Variants in ARHGAP35 observed in about 807,000 individuals in gnomAD.
ARHGAP35 encodes the protein Rho GTPase activating protein 35, also known as rho GTPase-activating protein 35.
A neutral mutation model predicts 111.1 loss-of-function variants in ARHGAP35; 15 were observed. That is an observed-to-expected ratio of 0.13 (90% CI 0.09 to 0.21). The LOEUF is 0.21. Among genes scored for constraint, ARHGAP35 ranks in the 10% least tolerant of loss-of-function variants. ARHGAP35 has a pLI of 1.00. For synonymous variants in ARHGAP35, 643 were observed against 710.3 expected, an observed-to-expected ratio of 0.91 and a Z score of 1.51; for missense variants, 1,262 against 1,873.0, an observed-to-expected ratio of 0.67 and a Z score of 6.02.
chr19:46,897,943 C>T (rs187066027), intron 1 of ARHGAP35, among the ~76,000 whole-genome samples: 2 of 152,270 alleles, frequency 1.3e-5, no homozygotes, highest in East Asian at 1.9e-4. Flanking sequence ...TTTTCATTCC[C>T]AATCTGTGAA....
intron 3 of ARHGAP35, among the ~76,000 whole-genome samples, chr19:46,950,408 A>AC (rs1326634072): frequency 6.6e-6 from 1 of 152,230 alleles, no homozygotes; most frequent in African/African-American, 2.4e-5. Flanking sequence ...ATTTTGGTGT[A>AC]CATATGTGTG....
Position 46,999,020 on chromosome 19 carries a change from A to T in ARHGAP35, c.4037-284A>T. 2.6e-6 allele frequency: 1 copy of T among 390,548 alleles called. No individual in the cohort carries two copies. Among genetic ancestry groups the T allele is most frequent in the Non-Finnish European group, 4.6e-6 (1 of 218,154 alleles). 24.2% of individuals were successfully genotyped at this position (390,548 alleles called of 1,614,324 possible). On this transcript the variant is annotated intron_variant, in intron 5 of 6. Coordinates refer to ENST00000672722, the MANE Select transcript of ARHGAP35 (RefSeq NM_004491.5). The surrounding 1 kb of genome is among the most constrained non-coding windows in gnomAD (Gnocchi z 5.4). ...CAAAGAATGGTGTTCTTTATGGCGG[A>T]GTGTCTCCAGATTGTTCTGTCTTGG...
At chr19:46,913,298 C>A (rs1039446160) in intron 1 of ARHGAP35, among the ~76,000 whole-genome samples, 1 of 151,160 alleles carries the variant, frequency 6.6e-6, no homozygotes, top group East Asian at 1.9e-4. Flanking sequence ...AAGAGTGATA[C>A]ACACACTTCC....
rs1215155297 is a variant in ARHGAP35, at chr19:46,988,158, T to C, written c.3904+92T>C. 4.7e-6 allele frequency: 6 copies of C among 1,265,820 alleles called. No individual in the cohort carries two copies. The highest frequency in any genetic ancestry group is 5.6e-6 in the Non-Finnish European group (5 of 892,418). 78.4% of individuals were successfully genotyped at this position (1,265,820 alleles called of 1,614,324 possible). A position where few individuals can be genotyped will look rare whatever the true frequency, so the allele number is the denominator to read the frequency against. On this transcript the variant is annotated intron_variant, in intron 4 of 6. Transcript: ENST00000672722. This position sits in a 1 kb window ranked among gnomAD's most constrained non-coding sequence, Gnocchi z 5.4. ...AACTGTCTGTGGGGCTTCGGAGCAC[T>C]CCTGCCAGCACAGACCCAAAGCCAC...
chr19:46,976,634 G>A (rs1007453371), intron 3 of ARHGAP35, among the ~76,000 whole-genome samples: 2 of 152,216 alleles, frequency 1.3e-5, no homozygotes, highest in Admixed American at 1.3e-4. Context: ...CGGGCAGACA[G>A]GTTGCTCTGG....
intron 2 of ARHGAP35, among the ~76,000 whole-genome samples, chr19:46,925,338 C>T (rs924108066): frequency 6.6e-6 from 1 of 152,236 alleles, no homozygotes; most frequent in Non-Finnish European, 1.5e-5. Flanking sequence ...GGAACACAGA[C>T]TGGCACTTGT....
rs8113565 is a variant in ARHGAP35 at position 46,896,009 on chromosome 19, G to A, written c.-188-22479G>A. On this transcript the variant is annotated intron_variant, in intron 1 of 6. Coordinates refer to ENST00000672722, the MANE Select transcript of ARHGAP35 (RefSeq NM_004491.5). ...CCCAGCTACTCGGGAGGCTGAGGCA[G>A]GAGAATCGCTTAAACCCAGGAAGCA... 5.0e-3 allele frequency among the ~76,000 whole-genome samples: 762 copies of A among 152,244 alleles called. 6 individuals are homozygous for A. Among genetic ancestry groups the A allele is most frequent in the Non-Finnish European group, 8.9e-3 (603 of 68,020 alleles).
chr19:46,925,011 A>G (rs374960124), intron 2 of ARHGAP35, among the ~76,000 whole-genome samples: 2 of 152,306 alleles, frequency 1.3e-5, no homozygotes, highest in African/African-American at 4.8e-5. Flanking sequence ...GGTAATGAGC[A>G]CTTCCTAACC....
In ARHGAP35 at chr19:46,871,332, T is replaced by C. The variant is rs548141246; in HGVS notation, c.-189+10123T>C. ...CAAGTGTGAACTTTCAGGAAAGTAG[T>C]TTAGCAATGTTTTATTTGTTTGTTT... On this transcript the variant is annotated intron_variant, in intron 1 of 6. Transcript: ENST00000672722. 4.6e-5 allele frequency among the ~76,000 whole-genome samples: 7 copies of C among 152,234 alleles called. No individual in the cohort carries two copies. In the East Asian group the frequency reaches 1.4e-3, roughly 29 times the overall value.
rs930334490 is a variant in ARHGAP35 at position 46,918,674 on chromosome 19, C to T, written c.-2C>T. ...GGCTGATCGTGGCAGGATGTGTCGA[C>T]GATGATGATGGCAAGAAAGCAAGAT... On this transcript the variant is annotated 5_prime_UTR_variant, in exon 2 of 7. It adds an upstream start codon to the 5' untranslated region. Transcript: ENST00000672722. The surrounding 1 kb of genome is among the most constrained non-coding windows in gnomAD (Gnocchi z 5.4). 26 of 1,610,032 alleles carry T rather than the reference C, an allele frequency of 1.6e-5. No homozygotes were observed. The highest frequency in any genetic ancestry group is 2.1e-5 in the Non-Finnish European group (25 of 1,177,348).
chr19:46,873,124 C>G (rs1187460204), intron 1 of ARHGAP35, among the ~76,000 whole-genome samples: 1 of 152,082 alleles, frequency 6.6e-6, no homozygotes, highest in Non-Finnish European at 1.5e-5. Flanking sequence ...GTTGACTTCT[C>G]TGGCCGACTT....
chr19:46,915,390 T>C (rs988953707), intron 1 of ARHGAP35, among the ~76,000 whole-genome samples: 14 of 152,216 alleles, frequency 9.2e-5, no homozygotes, highest in African/African-American at 3.4e-4. Flanking sequence ...AGTTTTTGCA[T>C]ACTACGTCTA....
intron 3 of ARHGAP35, among the ~76,000 whole-genome samples, chr19:46,960,148 C>G (rs981435580): frequency 1.3e-5 from 2 of 151,778 alleles, no homozygotes; most frequent in South Asian, 2.1e-4. Flanking sequence ...AAAAAGTAAC[C>G]CGATCTTGTT....
intron 3 of ARHGAP35, among the ~76,000 whole-genome samples, chr19:46,965,971 G>A (rs2056512982): frequency 6.6e-6 from 1 of 152,090 alleles, no homozygotes; most frequent in Non-Finnish European, 1.5e-5. Context: ...CCCCTAGAAG[G>A]ACTCTTAGTC....
chr19:46,915,537 TGTCA>T (rs1273841025), intron 1 of ARHGAP35, among the ~76,000 whole-genome samples: 1 of 152,204 alleles, frequency 6.6e-6, no homozygotes, highest in Non-Finnish European at 1.5e-5. Context: ...TGCTCCCTGG[TGTCA>T]GTCAGAATAA....
At chr19:46,882,132 CT>C (rs2055965591) in intron 1 of ARHGAP35, among the ~76,000 whole-genome samples, 1 of 150,504 alleles carries the variant, frequency 6.6e-6, no homozygotes, top group South Asian at 2.1e-4. Flanking sequence ...AAACTTCTTT[CT>C]TTCCCTTTTT....
At chr19:46,932,214 G>A (rs547445211) in intron 2 of ARHGAP35, among the ~76,000 whole-genome samples, 18 of 152,308 alleles carry the variant, frequency 1.2e-4, no homozygotes, top group South Asian at 2.1e-4. Context: ...CTGAGGAGGC[G>A]GAGGTTGTAG....
intron 2 of ARHGAP35, among the ~76,000 whole-genome samples, chr19:46,931,195 T>C (rs2056270898): frequency 6.6e-6 from 1 of 152,100 alleles, no homozygotes; most frequent in Non-Finnish European, 1.5e-5. Context: ...GCGTCTCAGC[T>C]CAATTTGAGA....
chr19:46,974,672 T>C (rs1463985161), intron 3 of ARHGAP35, among the ~76,000 whole-genome samples: 3 of 152,152 alleles, frequency 2.0e-5, no homozygotes, highest in Non-Finnish European at 4.4e-5. Context: ...GATGTCCGCT[T>C]GATTGATTAA....
Sources: gnomAD v4.1 joint callset for allele counts (sites outside exome capture counted in the v4.1 genomes callset) on GRCh38, gnomAD v4.1.1 for gene constraint, Gnocchi (gnomAD v3.1) non-coding constraint, MANE v1.5 for transcripts, NCBI Gene and HGNC (gene_info 2026-07-23, HGNC 2026-07-21) for gene names.